The following FAM117B variants were observed in gnomAD, a reference collection of about 807,000 sequenced individuals.
The protein encoded by FAM117B is family with sequence similarity 117 member B.
Under a neutral mutation model 52.8 loss-of-function variants are expected in FAM117B, and 22 were observed. The observed-to-expected ratio is 0.42, with a 90% confidence interval of 0.30 to 0.59. The LOEUF is 0.59. FAM117B is among the 20% of genes least tolerant of loss of function. The pLI is 0.22. For synonymous variants in FAM117B, 309 were observed against 324.1 expected (o/e 0.95, Z 0.50); for missense variants, 678 against 802.6 (o/e 0.84, Z 1.88).
rs71030981 is a variant in FAM117B at position 202,659,604 on chromosome 2, C to CTTTTTTTT, written c.601+23839_601+23846dup. The stretch of plus-strand genomic sequence containing the variant: ...GAGATTACAGACGTGAGCCACCGTG[C>CTTTTTTTT]TTTTTTTTTTTTTTTTTTTTTTTTT... On this transcript the variant is annotated intron_variant, in intron 1 of 7. Coordinates refer to ENST00000392238, the MANE Select transcript of FAM117B (RefSeq NM_173511.4). 3.0e-4 allele frequency among the ~76,000 whole-genome samples: 19 copies of CTTTTTTTT among 62,312 alleles called. 5 individuals are homozygous for CTTTTTTTT. The highest frequency in any genetic ancestry group is 8.8e-4 in the East Asian group (1 of 1,140). The allele number at this position is 62,312 out of a possible 152,430, so 40.9% of individuals were successfully genotyped here.
At chr2:202,725,037 G>A in intron 3 of FAM117B, 28 bp downstream of exon 3, 1 of 1,550,464 alleles carries the variant, frequency 6.4e-7, no homozygotes. Context: ...AAGATAGTGG[G>A]TGTGGAAATA....
chr2:202,675,143 G>T (rs754909132), intron 1 of FAM117B, among the ~76,000 whole-genome samples: 1 of 151,960 alleles, frequency 6.6e-6, no homozygotes, highest in Admixed American at 6.6e-5. Flanking sequence ...GCTGAGGTGG[G>T]AGGATTGCCT....
intron 4 of FAM117B, among the ~76,000 whole-genome samples, chr2:202,731,821 C>T (rs537834406): frequency 1.3e-5 from 2 of 151,774 alleles, no homozygotes; most frequent in Admixed American, 6.6e-5. Flanking sequence ...TTGCAATCTC[C>T]GCCTACCAGG....
rs987645536 is a variant in FAM117B, at chr2:202,738,075, G to A, written c.960+11712G>A. On this transcript the variant is annotated intron_variant, in intron 4 of 7. Coordinates refer to ENST00000392238, the MANE Select transcript of FAM117B (RefSeq NM_173511.4). ...ATCTGTGTATCCTGTTTGGTGAAGT[G>A]TCTATTCAAATCATTTGCCTATTTT... Among the ~76,000 whole-genome samples the A allele has an allele frequency of 2.6e-5, 4 of 152,236 alleles. No individual in the cohort carries two copies. The East Asian group carries it at 7.7e-4, about 29-fold the overall frequency.
chr2:202,746,572 C>T (rs184291447), intron 4 of FAM117B, among the ~76,000 whole-genome samples: 11 of 151,484 alleles, frequency 7.3e-5, no homozygotes, highest in African/African-American at 2.2e-4. Flanking sequence ...CAAACCAAAC[C>T]GAAAAGTATT....
intron 1 of FAM117B, among the ~76,000 whole-genome samples, chr2:202,655,606 G>GT (rs2105758730): frequency 6.6e-6 from 1 of 152,072 alleles, no homozygotes; most frequent in East Asian, 1.9e-4. Context: ...TTCCTTATCT[G>GT]TTTTTAGAAG....
At chr2:202,733,740 A>G (rs1440605917) in intron 4 of FAM117B, among the ~76,000 whole-genome samples, 1 of 152,192 alleles carries the variant, frequency 6.6e-6, no homozygotes, top group Non-Finnish European at 1.5e-5. Context: ...CACTGATTTC[A>G]TATTGTTCAC....
chr2:202,669,447 T>G, intron 1 of FAM117B, among the ~76,000 whole-genome samples: 1 of 152,138 alleles, frequency 6.6e-6, no homozygotes, highest in East Asian at 1.9e-4. Flanking sequence ...TAAAAAAGAT[T>G]AGCTTTGTAA....
rs1156278814 is a variant in FAM117B, at chr2:202,741,416, CAAAAAAAAAAA to C, written c.961-14102_961-14092del. On this transcript the variant is annotated intron_variant, in intron 4 of 7. Coordinates refer to ENST00000392238, the MANE Select transcript of FAM117B (RefSeq NM_173511.4). ...CTGGTGACAGAGCAAGACTCTGTCTCAAAAAAAAAAAAAAAAAAAAAAAAAAAAAAGAATTG... is the reference window on the plus strand; with the variant it reads ...CTGGTGACAGAGCAAGACTCTGTCTCAAAAAAAAAAAAAAAAAAAGAATTG... Among the ~76,000 whole-genome samples the C allele has an allele frequency of 4.3e-4, 15 of 34,970 alleles. 1 individual carries two copies. The highest frequency in any genetic ancestry group is 0.071 in the Middle Eastern group (2 of 28). 22.9% of individuals were successfully genotyped at this position (34,970 alleles called of 152,430 possible).
chr2:202,690,730 T>C (rs1485054787), intron 1 of FAM117B, among the ~76,000 whole-genome samples: 1 of 152,162 alleles, frequency 6.6e-6, no homozygotes, highest in Non-Finnish European at 1.5e-5. Flanking sequence ...GGCAAAAAAG[T>C]GAGGCTTCAG....
intron 4 of FAM117B, among the ~76,000 whole-genome samples, chr2:202,746,984 A>C (rs1422266948): frequency 6.6e-6 from 1 of 151,880 alleles, no homozygotes; most frequent in Non-Finnish European, 1.5e-5. Context: ...ACAAAAACCC[A>C]CTATGGGCCA....
intron 1 of FAM117B, among the ~76,000 whole-genome samples, chr2:202,677,749 C>T (rs753264681): frequency 3.3e-5 from 5 of 152,126 alleles, no homozygotes; most frequent in African/African-American, 4.8e-5. Context: ...CTTGTGTGCT[C>T]ACTACTAGCA....
chr2:202,721,822 T>C (rs953010789), intron 2 of FAM117B, among the ~76,000 whole-genome samples: 1 of 151,900 alleles, frequency 6.6e-6, no homozygotes, highest in African/African-American at 2.4e-5. Context: ...TTTTTAGAGA[T>C]GAGGTCTCCC....
Position 202,641,647 on chromosome 2 carries a change from T to G in FAM117B, c.601+5859T>G, listed in dbSNP as rs866532638. ...ATATTAGATATTTTATTTTCTTTTT[T>G]TTTTTTTTTGAGATGGAGTTTCACT... On this transcript the variant is annotated intron_variant, in intron 1 of 7. Transcript: ENST00000392238. Among the ~76,000 whole-genome samples the G allele has an allele frequency of 5.4e-4, 82 of 151,732 alleles. 1 individual carries two copies. The highest frequency in any genetic ancestry group is 1.4e-3 in the Admixed American group (21 of 15,256).
At chr2:202,636,354 A>T (rs938973964) in intron 1 of FAM117B, among the ~76,000 whole-genome samples, 1 of 152,230 alleles carries the variant, frequency 6.6e-6, no homozygotes, top group African/African-American at 2.4e-5. Context: ...GGTAGCAAGA[A>T]GTGAAAATTA....
At chr2:202,677,865 G>C (rs1430848056) in intron 1 of FAM117B, among the ~76,000 whole-genome samples, 1 of 152,154 alleles carries the variant, frequency 6.6e-6, no homozygotes, top group Non-Finnish European at 1.5e-5. Flanking sequence ...GTAATGCATG[G>C]AAGCAGTTTG....
At chr2:202,736,083 G>A (rs764946620) in intron 4 of FAM117B, among the ~76,000 whole-genome samples, 3 of 152,054 alleles carry the variant, frequency 2.0e-5, no homozygotes, top group Non-Finnish European at 4.4e-5. Flanking sequence ...GAGACAGTGA[G>A]GTAGAAAAAG....
At chr2:202,716,140 CTTCT>C (rs1245061825) in intron 2 of FAM117B, among the ~76,000 whole-genome samples, 1 of 152,118 alleles carries the variant, frequency 6.6e-6, no homozygotes, top group Non-Finnish European at 1.5e-5. Flanking sequence ...ATGTAGTGAC[CTTCT>C]TTGTCTCTTC....
intron 2 of FAM117B, among the ~76,000 whole-genome samples, chr2:202,701,362 C>G (rs1401886709): frequency 6.6e-6 from 1 of 152,178 alleles, no homozygotes; most frequent in Non-Finnish European, 1.5e-5. Context: ...CAACTGGTCA[C>G]CCAAGAGCTG....
Sources: allele counts gnomAD v4.1 joint callset (sites outside exome capture counted in the v4.1 genomes callset), GRCh38; gene constraint gnomAD v4.1.1; transcripts MANE v1.5; gene names NCBI Gene and HGNC (gene_info 2026-07-23, HGNC 2026-07-21).